Variants in TESC observed in about 807,000 individuals in gnomAD.
TESC encodes the protein tescalcin, also known as calcineurin B homologous protein 3.
Under a neutral mutation model 31.0 loss-of-function variants are expected in TESC, and 19 were observed. That is an observed-to-expected ratio of 0.61 (90% CI 0.43 to 0.90). The LOEUF (loss-of-function observed/expected upper bound fraction) is 0.90, where lower values mean the gene tolerates loss of function less well. Among genes scored for constraint, TESC ranks in the 40% least tolerant of loss-of-function variants. The pLI is 0.00. For missense variants in TESC, 248 were observed against 303.8 expected (o/e 0.82, Z 1.36); for synonymous variants, 109 against 114.8 (o/e 0.95, Z 0.32).
At chr12:117,054,701 C>G (rs921017194) in intron 3 of TESC, among the ~76,000 whole-genome samples, 8 of 152,296 alleles carry the variant, frequency 5.3e-5, no homozygotes, top group Non-Finnish European at 1.5e-5. Flanking sequence ...CAGGGTCCCA[C>G]ATCCCTGGCA....
intron 2 of TESC, among the ~76,000 whole-genome samples, chr12:117,066,710 C>G (rs1954889906): frequency 6.6e-6 from 1 of 152,074 alleles, no homozygotes; most frequent in Non-Finnish European, 1.5e-5. Context: ...GGCTGATGTG[C>G]TAGCTTTCTC....
At chr12:117,059,145 A>T (rs889383757) in intron 2 of TESC, among the ~76,000 whole-genome samples, 1 of 152,210 alleles carries the variant, frequency 6.6e-6, no homozygotes, top group Non-Finnish European at 1.5e-5. Context: ...GGGATTCAAC[A>T]CTAGGACAGA....
At chr12:117,083,777 T>C (rs1395409713) in intron 1 of TESC, among the ~76,000 whole-genome samples, 1 of 151,968 alleles carries the variant, frequency 6.6e-6, no homozygotes, top group Non-Finnish European at 1.5e-5. Flanking sequence ...TGGGTATCCT[T>C]TTGGGGGTGA....
chr12:117,094,668 G>A (rs1955366498), intron 1 of TESC, among the ~76,000 whole-genome samples: 1 of 152,136 alleles, frequency 6.6e-6, no homozygotes, highest in African/African-American at 2.4e-5. Flanking sequence ...CTTTCTGGAT[G>A]GGAGCAGCAG....
chr12:117,069,548 A>G (rs1421876408), intron 2 of TESC, among the ~76,000 whole-genome samples: 1 of 152,020 alleles, frequency 6.6e-6, no homozygotes, highest in Non-Finnish European at 1.5e-5. Context: ...AACAATATGA[A>G]TGTCTAAAAA....
intron 2 of TESC, among the ~76,000 whole-genome samples, chr12:117,070,571 T>C (rs1954955400): frequency 1.3e-5 from 2 of 152,020 alleles, no homozygotes; most frequent in Admixed American, 1.3e-4. Context: ...TCCTTAGAGA[T>C]CACTTGCAAA....
At chr12:117,058,507 G>A (rs2135762995) in intron 2 of TESC, among the ~76,000 whole-genome samples, 1 of 145,716 alleles carries the variant, frequency 6.9e-6, no homozygotes, top group East Asian at 2.1e-4. Flanking sequence ...AAATGTCACT[G>A]AATTGCACAT....
chr12:117,049,102 AG>A lies in TESC; in HGVS notation c.265del (p.Leu89Ter), dbSNP rs778631702. On this transcript the variant is annotated frameshift_variant, in exon 4 of 8. Coordinates refer to ENST00000335209, the MANE Select transcript of TESC (RefSeq NM_017899.4). LOFTEE classifies it high-confidence loss of function. The stretch of plus-strand genomic sequence containing the variant: ...GGGCCGGAAGTAGGACATGATGGTC[AG>A]GAAGTCCTCGAAATTGATCTCATCA... ...LADEINFEDF[L>X]TIMSYFRPID... 2.5e-6 allele frequency: 4 copies of A among 1,614,140 alleles called. No homozygotes were observed. In the African/African-American group the frequency reaches 5.3e-5, roughly 22 times the overall value.
intron 1 of TESC, among the ~76,000 whole-genome samples, chr12:117,087,768 G>T (rs763771495): frequency 9.9e-5 from 15 of 152,214 alleles, no homozygotes; most frequent in Non-Finnish European, 1.6e-4. Flanking sequence ...GCTTGAACCT[G>T]GGAGGTGGAG....
At chr12:117,082,269 C>T (rs879924167) in intron 1 of TESC, among the ~76,000 whole-genome samples, 5 of 151,916 alleles carry the variant, frequency 3.3e-5, no homozygotes, top group Admixed American at 6.6e-5. Context: ...TTTGGGAAGC[C>T]GAGGCGGGTG....
At chr12:117,097,138 G>A (rs921103942) in intron 1 of TESC, among the ~76,000 whole-genome samples, 2 of 152,206 alleles carry the variant, frequency 1.3e-5, no homozygotes, top group Non-Finnish European at 2.9e-5. Context: ...AAAAGTGACC[G>A]AATTACGCAG....
intron 1 of TESC, among the ~76,000 whole-genome samples, chr12:117,075,915 GTGTGTGTGTA>G (rs1955062624): frequency 3.9e-5 from 2 of 50,720 alleles, no homozygotes; most frequent in African/African-American, 2.1e-4. Context: ...ATATATATAT[GTGTGTGTGTA>G]TATATATATA....
intron 2 of TESC, among the ~76,000 whole-genome samples, chr12:117,058,608 G>A (rs942873984): frequency 4.7e-5 from 7 of 149,562 alleles, no homozygotes; most frequent in Non-Finnish European, 7.4e-5. Context: ...GATGGCATGC[G>A]CCTGTAGTCC....
intron 4 of TESC, chr12:117,048,684 C>T (rs1474767674): frequency 8.0e-6 from 4 of 498,476 alleles, no homozygotes; most frequent in South Asian, 4.6e-5. Flanking sequence ...GGCATACCCA[C>T]GTTCTGGGTC....
chr12:117,068,429 T>C (rs555726701), intron 2 of TESC, among the ~76,000 whole-genome samples: 4 of 152,248 alleles, frequency 2.6e-5, no homozygotes, highest in Non-Finnish European at 5.9e-5. Flanking sequence ...CCTGGGAGGC[T>C]GAGGAAGGAC....
chr12:117,087,250 G>C (rs1955229464), intron 1 of TESC, among the ~76,000 whole-genome samples: 1 of 152,212 alleles, frequency 6.6e-6, no homozygotes, highest in South Asian at 2.1e-4. Flanking sequence ...ACCCAATTCT[G>C]TCCTTCAGAG....
intron 1 of TESC, 51 bp from the exon 2 acceptor site, chr12:117,075,391 A>G: frequency 6.3e-7 from 1 of 1,588,506 alleles, no homozygotes; most frequent in Non-Finnish European, 8.5e-7. Flanking sequence ...AAAATCACTG[A>G]CTGTCAGAGG....
intron 6 of TESC, among the ~76,000 whole-genome samples, chr12:117,042,912 T>G (rs1954506056): frequency 6.6e-6 from 1 of 152,046 alleles, no homozygotes. Context: ...GTTACTTATA[T>G]CCTACTGGTC....
chr12:117,048,587 G>T, intron 4 of TESC: 1 of 407,348 alleles, frequency 2.5e-6, no homozygotes, highest in Non-Finnish European at 5.0e-6. Flanking sequence ...GGAGGAGGGA[G>T]AGGAGGAAAC....
Sources: allele counts gnomAD v4.1 joint callset (sites outside exome capture counted in the v4.1 genomes callset), GRCh38; gene constraint gnomAD v4.1.1; transcripts MANE v1.5; gene names NCBI Gene and HGNC (gene_info 2026-07-23, HGNC 2026-07-21).